Variants in BAZ2B observed in about 807,000 individuals in gnomAD.
The protein encoded by BAZ2B is bromodomain adjacent to zinc finger domain protein 2B.
In BAZ2B, 91 loss-of-function variants were observed where a neutral mutation model predicts 246.0. That is an observed-to-expected ratio of 0.37 (90% CI 0.31 to 0.44). The LOEUF is 0.44. Ranked by LOEUF, BAZ2B falls within the 20% of genes least tolerant of loss-of-function variation. BAZ2B has a pLI of 1.00. For missense variants in BAZ2B, 2,332 were observed against 2,533.7 expected (o/e 0.92, Z 1.71); for synonymous variants, 855 against 860.0 (o/e 0.99, Z 0.10).
intron 16 of BAZ2B, 56 bp downstream of exon 16, chr2:159,404,793 C>A (rs780850240): frequency 1.4e-6 from 2 of 1,437,096 alleles, no homozygotes; most frequent in Non-Finnish European, 1.9e-6. Context: ...ACATTACTAA[C>A]AAATCCTCAA....
At chr2:159,386,815 G>A (rs1221189634) in intron 21 of BAZ2B, among the ~76,000 whole-genome samples, 2 of 152,008 alleles carry the variant, frequency 1.3e-5, no homozygotes, top group Non-Finnish European at 2.9e-5. Context: ...CTTCATACAA[G>A]TAAGCAACCA....
At chr2:159,533,535 G>C (rs2085593760) in intron 2 of BAZ2B, among the ~76,000 whole-genome samples, 1 of 152,130 alleles carries the variant, frequency 6.6e-6, no homozygotes, top group Non-Finnish European at 1.5e-5. Flanking sequence ...TCAAGTTGTA[G>C]AAGCAGGCAA....
In BAZ2B at chr2:159,412,429, C is replaced by G; in HGVS notation, c.2583G>C (p.Arg861Ser). 6.2e-7 allele frequency: 1 copy of G among 1,614,140 alleles called. No homozygotes were observed. The change falls in exon 14 of 37, where the codon AGG becomes AGC. Residue 861 changes from arginine (R) to serine (S), a missense_variant. Arg to Ser is a moderately radical substitution (Grantham distance 110). Around this residue, in one of 9 missense-constraint regions of BAZ2B, gnomAD observed 651 missense variants for 650.9 expected, o/e 1.00. Transcript: ENST00000392783. ...PDRQRAREESRMRRRKGRPPN... is the reference protein window; with the variant it reads ...PDRQRAREESSMRRRKGRPPN... ...GAGGTCGACCTTTCCGACGTCTCAT[C>G]CTGGATTCCTCTCTTGCTCGTTGTC...
At chr2:159,680,084 A>G in the BAZ2B span, among the ~76,000 whole-genome samples, 1 of 152,344 alleles carries the variant, frequency 6.6e-6, no homozygotes, top group Non-Finnish European at 1.5e-5. Context: ...TTATTATGTT[A>G]ATAATGTGTG....
chr2:159,533,830 A>G (rs2151333681), intron 2 of BAZ2B, among the ~76,000 whole-genome samples: 1 of 152,334 alleles, frequency 6.6e-6, no homozygotes, highest in South Asian at 2.1e-4. Flanking sequence ...GTTTAAGCAT[A>G]TCATAACTTT....
intron 3 of BAZ2B, among the ~76,000 whole-genome samples, chr2:159,466,120 C>T (rs1397368929): frequency 2.0e-5 from 3 of 152,188 alleles, no homozygotes; most frequent in Non-Finnish European, 2.9e-5. Context: ...TAAGTCTTGG[C>T]TGTCTCTTAA....
intron 2 of BAZ2B, chr2:159,516,253 CAT>C (rs2083433815): frequency 2.6e-5 from 4 of 152,156 alleles, no homozygotes; most frequent in East Asian, 1.9e-4. Flanking sequence ...GAGAAAAAGA[CAT>C]AGAGTATAAC....
chr2:159,398,606 C>G (rs1050444889), intron 18 of BAZ2B, among the ~76,000 whole-genome samples: 4 of 151,932 alleles, frequency 2.6e-5, no homozygotes, highest in South Asian at 2.1e-4. Flanking sequence ...TTTGATGTCT[C>G]CTAAACAGCT....
intron 13 of BAZ2B, among the ~76,000 whole-genome samples, chr2:159,422,737 T>C (rs1314724699): frequency 6.6e-6 from 1 of 152,082 alleles, no homozygotes; most frequent in Non-Finnish European, 1.5e-5. Context: ...CTAATTAAAC[T>C]AGAGCTTCTG....
rs556031317 is a variant in BAZ2B at position 159,339,666 on chromosome 2, C to A, written c.5455-1894G>T. ...ACAATAGCTAAAATATGGAATCAAC[C>A]TAAATGCCCATCAACAGATGAATGG... On this transcript the variant is annotated intron_variant, in intron 31 of 36. Coordinates refer to ENST00000392783, the MANE Select transcript of BAZ2B (RefSeq NM_013450.4). 9.2e-5 allele frequency among the ~76,000 whole-genome samples: 14 copies of A among 152,162 alleles called. No homozygotes were observed. In the East Asian group the frequency reaches 2.7e-3, roughly 29 times the overall value.
intron 2 of BAZ2B, among the ~76,000 whole-genome samples, chr2:159,488,939 T>G (rs1410815662): frequency 6.6e-6 from 1 of 152,152 alleles, no homozygotes; most frequent in Non-Finnish European, 1.5e-5. Context: ...AAAATTTCAG[T>G]AACACTAAAA....
intron 3 of BAZ2B, chr2:159,458,664 C>T (rs978846469): frequency 1.3e-5 from 2 of 152,260 alleles, no homozygotes; most frequent in Non-Finnish European, 2.9e-5. Flanking sequence ...TCCTTAAGAT[C>T]TAGGTCGTGG....
chr2:159,428,365 T>C lies in BAZ2B; in HGVS notation c.2310A>G (p.Val770=), dbSNP rs774970541. The change falls in exon 12 of 37, where the codon GTA becomes GTG. Residue 770 remains valine, a synonymous_variant. Transcript: ENST00000392783. The part of the protein sequence containing the change: ...RNFGGRLQGE[V]AYYAPCGKKL... Reference sequence around the variant, plus strand: ...TCTTTCCACATGGAGCATAATATGCTACTTCTCCTTGAAGGCGCCCTCCAA... The same window carrying C: ...TCTTTCCACATGGAGCATAATATGCCACTTCTCCTTGAAGGCGCCCTCCAA... The C allele has an allele frequency of 2.5e-6, 4 of 1,613,288 alleles. No homozygotes were observed. The highest frequency in any genetic ancestry group is 3.3e-4 in the Middle Eastern group (2 of 6,080).
At chr2:159,430,675 C>CG (rs1190134335) in intron 10 of BAZ2B, among the ~76,000 whole-genome samples, 188 bp downstream of exon 10, 4 of 151,756 alleles carry the variant, frequency 2.6e-5, no homozygotes, top group East Asian at 1.9e-4. Flanking sequence ...ACTGGAAACT[C>CG]GGGGGGAAAA....
At chr2:159,402,827 A>G (rs2065294638) in intron 16 of BAZ2B, among the ~76,000 whole-genome samples, 1 of 152,218 alleles carries the variant, frequency 6.6e-6, no homozygotes, top group Non-Finnish European at 1.5e-5. Flanking sequence ...GTAAATTATT[A>G]TAATACAGGT....
At chr2:159,378,615 AC>A (rs2061662317) in intron 25 of BAZ2B, among the ~76,000 whole-genome samples, 1 of 152,178 alleles carries the variant, frequency 6.6e-6, no homozygotes, top group Non-Finnish European at 1.5e-5. Flanking sequence ...AAACCAGATA[AC>A]CAGATTTTAA....
At chr2:159,462,775 G>T in intron 3 of BAZ2B, 1 of 1,411,050 alleles carries the variant, frequency 7.1e-7, no homozygotes, top group Non-Finnish European at 1.0e-6. Flanking sequence ...GACACTCATG[G>T]CTTTCAATAC....
intron 19 of BAZ2B, chr2:159,397,133 C>T (rs1023923569): frequency 7.5e-6 from 11 of 1,473,508 alleles, no homozygotes; most frequent in East Asian, 2.8e-5. Flanking sequence ...CATTATGAAA[C>T]AGAAATCACA....
At chr2:159,337,269 G>C (rs761088922) in intron 32 of BAZ2B, among the ~76,000 whole-genome samples, 192 bp from the exon 33 acceptor site, 8 of 152,140 alleles carry the variant, frequency 5.3e-5, no homozygotes, top group Non-Finnish European at 1.2e-4. Flanking sequence ...TCACAACCAG[G>C]TAGATGTAAG....
Sources: allele counts gnomAD v4.1 joint callset (sites outside exome capture counted in the v4.1 genomes callset), GRCh38; gene constraint gnomAD v4.1.1; regional missense constraint gnomAD v4.1.1; transcripts MANE v1.5; gene names NCBI Gene and HGNC (gene_info 2026-07-23, HGNC 2026-07-21).